Variants in HS3ST5 observed in about 807,000 individuals in gnomAD.
The protein encoded by HS3ST5 is heparan sulfate-glucosamine 3-sulfotransferase 5.
HS3ST5 carries 10 observed loss-of-function variants against 25.4 expected under a neutral mutation model. That is an observed-to-expected ratio of 0.39 (90% CI 0.24 to 0.67). The LOEUF is 0.67. HS3ST5 is among the 30% of genes least tolerant of loss of function. HS3ST5 has a pLI of 0.44. For synonymous variants in HS3ST5, 170 were observed against 162.4 expected (o/e 1.05, Z -0.36); for missense variants, 324 against 420.7 (o/e 0.77, Z 2.01).
At chr6:114,261,876 C>T (rs1486935637) in intron 1 of HS3ST5, among the ~76,000 whole-genome samples, 4 of 152,142 alleles carry the variant, frequency 2.6e-5, no homozygotes, top group South Asian at 2.1e-4. Context: ...TGGAGGGCCT[C>T]AGTACAGGCA....
At chr6:114,231,930 G>T (rs1334857491) in intron 1 of HS3ST5, among the ~76,000 whole-genome samples, 2 of 152,118 alleles carry the variant, frequency 1.3e-5, no homozygotes, top group African/African-American at 4.8e-5. Flanking sequence ...ACTGGGTTCT[G>T]TTATTGTTTC....
At chr6:114,134,817 TTC>T (rs1777514798) in intron 3 of HS3ST5, among the ~76,000 whole-genome samples, 1 of 152,316 alleles carries the variant, frequency 6.6e-6, no homozygotes, top group East Asian at 1.9e-4. Flanking sequence ...CTCTGTGAAT[TTC>T]TCTCTTTTCC....
chr6:114,300,587 A>C (rs1315179359), intron 1 of HS3ST5, among the ~76,000 whole-genome samples: 1 of 152,180 alleles, frequency 6.6e-6, no homozygotes, highest in African/African-American at 2.4e-5. Context: ...TTTGGAAAAC[A>C]ATTTGTGAAT....
At chr6:114,069,096 C>G (rs17075846) in intron 3 of HS3ST5, among the ~76,000 whole-genome samples, 19,793 of 152,160 alleles carry the variant, frequency 0.13, 1,562 homozygotes, top group East Asian at 0.27. Flanking sequence ...GGCTTGTAGA[C>G]ATGGTTACCA....
rs1237886808 is a variant in HS3ST5 at position 114,122,352 on chromosome 6, C to T, written c.-33+45999G>A. Among the ~76,000 whole-genome samples, 3 of 152,164 alleles carry T rather than the reference C, an allele frequency of 2.0e-5. No homozygotes were observed. In the East Asian group the frequency reaches 5.8e-4, roughly 29 times the overall value. Reference sequence around the variant, plus strand: ...CACAATTTAGTGAGATCCTACTTTTCAGTAGATTTTGTCTGGGTCTGGAGA... The same window carrying T: ...CACAATTTAGTGAGATCCTACTTTTTAGTAGATTTTGTCTGGGTCTGGAGA... On this transcript the variant is annotated intron_variant, in intron 3 of 4. Transcript: ENST00000312719.
At chr6:114,127,965 G>T (rs1012611960) in intron 3 of HS3ST5, among the ~76,000 whole-genome samples, 2 of 150,894 alleles carry the variant, frequency 1.3e-5, no homozygotes, top group African/African-American at 4.8e-5. Context: ...ATATATATGT[G>T]TGCATATTTA....
intron 2 of HS3ST5, among the ~76,000 whole-genome samples, chr6:114,179,319 G>A (rs1020779826): frequency 6.6e-6 from 1 of 152,164 alleles, no homozygotes; most frequent in Admixed American, 6.5e-5. Flanking sequence ...GCTGTATGTA[G>A]TTACCAATTC....
intron 3 of HS3ST5, among the ~76,000 whole-genome samples, chr6:114,155,973 A>G (rs1778679929): frequency 6.6e-6 from 1 of 152,206 alleles, no homozygotes; most frequent in African/African-American, 2.4e-5. Flanking sequence ...GCCACCAGGA[A>G]AAAAACAAAT....
chr6:114,084,324 C>A, intron 3 of HS3ST5: 2 of 764,278 alleles, frequency 2.6e-6, no homozygotes, highest in Non-Finnish European at 4.8e-6. Flanking sequence ...AGTCTGCAAT[C>A]TCAGGCTGAG....
chr6:114,101,920 G>T (rs1457167507), intron 3 of HS3ST5, among the ~76,000 whole-genome samples: 2 of 152,254 alleles, frequency 1.3e-5, no homozygotes, highest in East Asian at 3.9e-4. Flanking sequence ...GGACATGGAG[G>T]TCATTATCCT....
chr6:114,172,678 C>T lies in HS3ST5; in HGVS notation c.-144-4216G>A, dbSNP rs1463737538. Among the ~76,000 whole-genome samples, 3 of 152,146 alleles carry T rather than the reference C, an allele frequency of 2.0e-5. No homozygotes were observed. The East Asian group carries it at 5.8e-4, about 29-fold the overall frequency. On this transcript the variant is annotated intron_variant, in intron 2 of 4. Coordinates refer to ENST00000312719, the MANE Select transcript of HS3ST5 (RefSeq NM_153612.4). ...GGGGGGAAAAGAAAACTTTGAGAAA[C>T]TAGTTTGAGATTTTAATTCTGCATT...
chr6:114,103,646 C>A (rs1174581383), intron 3 of HS3ST5, among the ~76,000 whole-genome samples: 1 of 150,926 alleles, frequency 6.6e-6, no homozygotes, highest in Non-Finnish European at 1.5e-5. Context: ...AAACTCCTGG[C>A]CTCAAGCCTA....
At chr6:114,232,074 T>C (rs1369318482) in intron 1 of HS3ST5, among the ~76,000 whole-genome samples, 1 of 152,218 alleles carries the variant, frequency 6.6e-6, no homozygotes, top group African/African-American at 2.4e-5. Context: ...ATATCTTTTC[T>C]ATTTATTTCT....
intron 2 of HS3ST5, among the ~76,000 whole-genome samples, chr6:114,195,259 G>A (rs112414069): frequency 6.6e-6 from 1 of 152,106 alleles, no homozygotes; most frequent in Non-Finnish European, 1.5e-5. Flanking sequence ...TCTGAGAAAG[G>A]GAAAAATGAT....
chr6:114,112,732 T>C (rs535488893), intron 3 of HS3ST5, among the ~76,000 whole-genome samples: 1 of 152,316 alleles, frequency 6.6e-6, no homozygotes, highest in South Asian at 2.1e-4. Flanking sequence ...TCCAAGATAA[T>C]TATTTTACAA....
chr6:114,143,763 T>G (rs1778018642), intron 3 of HS3ST5: 1 of 152,348 alleles, frequency 6.6e-6, no homozygotes, highest in Non-Finnish European at 1.5e-5. Context: ...TACAAGGGCC[T>G]AACTGTAACT....
At chr6:114,105,986 A>C (rs1775972263) in intron 3 of HS3ST5, among the ~76,000 whole-genome samples, 1 of 152,164 alleles carries the variant, frequency 6.6e-6, no homozygotes, top group Non-Finnish European at 1.5e-5. Flanking sequence ...ATTAACCAGT[A>C]AGCTGTAATG....
At chr6:114,106,997 TG>T (rs1204245131) in intron 3 of HS3ST5, among the ~76,000 whole-genome samples, 1 of 151,966 alleles carries the variant, frequency 6.6e-6, no homozygotes, top group Non-Finnish European at 1.5e-5. Flanking sequence ...CAAAAAGACT[TG>T]GGTTGGAAAT....
At chr6:114,158,158 T>C (rs1164747636) in intron 3 of HS3ST5, among the ~76,000 whole-genome samples, 2 of 152,222 alleles carry the variant, frequency 1.3e-5, no homozygotes, top group African/African-American at 2.4e-5. Context: ...GACAGCTTTG[T>C]ATGCCTGTGG....
Sources: gnomAD v4.1 joint callset for allele counts (sites outside exome capture counted in the v4.1 genomes callset) on GRCh38, gnomAD v4.1.1 for gene constraint, MANE v1.5 for transcripts, NCBI Gene and HGNC (gene_info 2026-07-23, HGNC 2026-07-21) for gene names.